PTOV1: variants seen among roughly 807,000 people sequenced by gnomAD.
The protein encoded by PTOV1 is prostate tumor-overexpressed gene 1 protein.
A neutral mutation model predicts 58.0 loss-of-function variants in PTOV1; 20 were observed. That is an observed-to-expected ratio of 0.34 (90% CI 0.24 to 0.50). The LOEUF is 0.50. Ranked by LOEUF, PTOV1 falls within the 20% of genes least tolerant of loss-of-function variation. The pLI is 0.98. For synonymous variants in PTOV1, 335 were observed against 234.2 expected (o/e 1.43, Z -3.93); for missense variants, 593 against 565.4 (o/e 1.05, Z -0.50).
At chr19:49,857,580 C>A in intron 6 of PTOV1, 113 bp from the exon 7 acceptor site, 1 of 974,858 alleles carries the variant, frequency 1.0e-6, no homozygotes. Flanking sequence ...GAGAATGGAC[C>A]CAGCTGGGGC....
At chr19:49,855,243 C>T (rs1380242123) in intron 5 of PTOV1, 166 bp downstream of exon 5, 11 of 651,358 alleles carry the variant, frequency 1.7e-5, no homozygotes, top group Admixed American at 5.0e-5. Flanking sequence ...AGGCACCCTC[C>T]GTAGAGCACA....
In PTOV1 at chr19:49,857,790, C is replaced by T. The variant is rs1007373976; in HGVS notation, c.804+8C>T. 13 of 1,613,892 alleles carry T rather than the reference C, an allele frequency of 8.1e-6. No individual in the cohort carries two copies. The highest frequency in any genetic ancestry group is 1.1e-5 in the Non-Finnish European group (13 of 1,179,948). On this transcript the variant is annotated splice_region_variant and intron_variant, in intron 7 of 11. Coordinates refer to ENST00000391842, the Ensembl canonical transcript of PTOV1. ...GTCATGGAGTGGCAGGAGGTGAGCA[C>T]TCGGCAGCCCAGGGACTTGGGACCC...
chr19:49,856,984 A>G, exon 6 of PTOV1: 1 of 1,612,990 alleles, frequency 6.2e-7, no homozygotes, highest in Non-Finnish European at 8.5e-7. Context: ...GGCGGGCTGC[A>G]TGCTGTTCCC....
intron 1 of PTOV1, chr19:49,852,342 C>G (rs963896055): frequency 1.3e-5 from 2 of 152,534 alleles, no homozygotes; most frequent in Non-Finnish European, 2.9e-5. Context: ...TAGATCACCT[C>G]CCACAACTTA....
At chr19:49,858,724 G>A (rs951304233) in intron 10 of PTOV1, 71 bp downstream of exon 10, 11 of 1,280,802 alleles carry the variant, frequency 8.6e-6, no homozygotes, top group African/African-American at 4.4e-5. Flanking sequence ...TCACGGGGGC[G>A]GACATGGGAG....
chr19:49,851,105 C>T (rs1234216827), upstream of PTOV1: 3 of 1,372,886 alleles, frequency 2.2e-6, no homozygotes, highest in African/African-American at 1.5e-5. Flanking sequence ...TGGTACGCTC[C>T]GGCCACGCCC....
exon 6 of PTOV1, chr19:49,856,998 C>T (rs375215872): frequency 2.5e-6 from 4 of 1,613,376 alleles, no homozygotes; most frequent in Non-Finnish European, 3.4e-6. Context: ...TGTTCCCCCA[C>T]ATCTCCCCCT....
exon 1 of PTOV1, chr19:49,851,203 A>C: frequency 8.3e-7 from 1 of 1,200,864 alleles, no homozygotes; most frequent in Non-Finnish European, 1.0e-6. Flanking sequence ...GCGTCCCCCG[A>C]GCTTGGTACG....
At chr19:49,853,493 TA>T (rs34050372) in intron 1 of PTOV1, among the ~76,000 whole-genome samples, 43,333 of 113,592 alleles carry the variant, frequency 0.38, 7,036 homozygotes, top group African/African-American at 0.45. Flanking sequence ...CCATCTCTAC[TA>T]AAAAAAAAAA....
intron 10 of PTOV1, 123 bp from the exon 11 acceptor site, chr19:49,859,856 TGGGTGGG>T: frequency 1.0e-6 from 1 of 952,912 alleles, no homozygotes; most frequent in Non-Finnish European, 1.6e-6. Flanking sequence ...ACCTCCAGGG[TGGGTGGG>T]GGGTGTGAGG....
chr19:49,855,130 C>T, intron 5 of PTOV1, 53 bp downstream of exon 5: 3 of 1,485,502 alleles, frequency 2.0e-6, no homozygotes, highest in Non-Finnish European at 2.8e-6. Flanking sequence ...CAGCTGGAGG[C>T]AGCGCTCTGC....
exon 1 of PTOV1, chr19:49,851,327 C>T (rs1275107411): frequency 1.9e-6 from 2 of 1,067,992 alleles, no homozygotes; most frequent in East Asian, 1.4e-4. Flanking sequence ...CCCGCGCCCG[C>T]CATGGTCCGT....
At chr19:49,860,472 C>G (rs914531482) in exon 12 of PTOV1, 2 of 875,862 alleles carry the variant, frequency 2.3e-6, no homozygotes, top group Non-Finnish European at 3.4e-6. Flanking sequence ...CGGTCCTAGG[C>G]TGTCGGGAAA....
chr19:49,858,042 C>T lies in PTOV1; in HGVS notation c.879-15C>T, dbSNP rs1469109898. The T allele has an allele frequency of 3.7e-6, 6 of 1,613,932 alleles. No homozygotes were observed. The highest frequency in any genetic ancestry group is 2.2e-5 in the East Asian group (1 of 44,898). ...AGCTGGGGCTTCCTGACCCTCGTCC[C>T]TTTGTGCCCCACAGGAGGACCGAGC... On this transcript the variant is annotated splice_polypyrimidine_tract_variant and intron_variant, in intron 8 of 11. Coordinates refer to ENST00000391842, the Ensembl canonical transcript of PTOV1.
chr19:49,854,727 G>A (rs374463962), exon 3 of PTOV1: 1 of 1,613,526 alleles, frequency 6.2e-7, no homozygotes, highest in Non-Finnish European at 8.5e-7. Flanking sequence ...GAACCAAGGC[G>A]AGAACCTGTG....
chr19:49,851,863 G>A (rs1275159271), intron 1 of PTOV1: 3 of 988,328 alleles, frequency 3.0e-6, no homozygotes, highest in African/African-American at 1.7e-5. Context: ...CCTGGAAATG[G>A]GGGCGGTTTT....
Position 49,857,991 on chromosome 19 carries a change from T to C in PTOV1, c.878+14T>C, listed in dbSNP as rs370977468. ...GGGGGAGATCCTGTGAGTGCTGGGC[T>C]GGGGGGTGGAGGCAGCATCCAGGGG... is the stretch of plus-strand genomic sequence containing the variant. On this transcript the variant is annotated intron_variant, in intron 8 of 11. Coordinates refer to ENST00000391842, the Ensembl canonical transcript of PTOV1. 3.7e-6 allele frequency: 6 copies of C among 1,612,888 alleles called. No homozygotes were observed. The African/African-American group carries it at 6.7e-5, about 18-fold the overall frequency.
At chr19:49,858,446 G>A in intron 9 of PTOV1, 103 bp from the exon 10 acceptor site, 2 of 881,848 alleles carry the variant, frequency 2.3e-6, no homozygotes, top group South Asian at 3.0e-5. Flanking sequence ...GGGAGGACAG[G>A]GGAGTCTCAG....
chr19:49,859,950 G>T, intron 10 of PTOV1, 36 bp from the exon 11 acceptor site: 1 of 1,609,970 alleles, frequency 6.2e-7, no homozygotes, highest in Non-Finnish European at 8.5e-7. Context: ...GGTCCCTGTG[G>T]TGCTGTCTGG....
Sources: gnomAD v4.1 joint callset for allele counts (sites outside exome capture counted in the v4.1 genomes callset) on GRCh38, gnomAD v4.1.1 for gene constraint, MANE v1.5 for transcripts, NCBI Gene and HGNC (gene_info 2026-07-23, HGNC 2026-07-21) for gene names.